The following CRPPA variants were observed in gnomAD, a reference collection of about 807,000 sequenced individuals.
CRPPA encodes the protein D-ribitol-5-phosphate cytidylyltransferase.
In CRPPA, 43 loss-of-function variants were observed where a neutral mutation model predicts 52.0. The observed-to-expected ratio is 0.83, with a 90% CI of 0.65 to 1.07. The LOEUF (loss-of-function observed/expected upper bound fraction) is 1.07, where lower values mean the gene tolerates loss of function less well. Ranked by LOEUF, CRPPA falls within the 50% of genes least tolerant of loss-of-function variation. The probability of loss-of-function intolerance (pLI) is 0.00; values close to 1 mark genes in which losing one functional copy is unlikely to be tolerated. For synonymous variants in CRPPA, 250 were observed against 203.5 expected, an observed-to-expected ratio of 1.23 and a Z score of -1.94; for missense variants, 629 against 551.7, an observed-to-expected ratio of 1.14 and a Z score of -1.40.
intron 9 of CRPPA, among the ~76,000 whole-genome samples, chr7:16,148,167 C>T (rs1376313412): frequency 1.3e-5 from 2 of 152,080 alleles, no homozygotes; most frequent in Non-Finnish European, 2.9e-5. Context: ...ACATACTATA[C>T]ATATTCATAA....
chr7:16,223,044 C>T lies in CRPPA; in HGVS notation c.1120-6847G>A, dbSNP rs143450414. Among the ~76,000 whole-genome samples, 270 of 152,032 alleles carry T rather than the reference C, an allele frequency of 1.8e-3. 2 individuals carry two copies. Among genetic ancestry groups the T allele is most frequent in the African/African-American group, 6.3e-3 (262 of 41,478 alleles). On this transcript the variant is annotated intron_variant, in intron 8 of 9. Coordinates refer to ENST00000407010, the MANE Select transcript of CRPPA (RefSeq NM_001101426.4). Reference sequence around the variant, plus strand: ...TGGTGGCTCATTCCTGTAATCCCAGCAGTTTGAGAGGCTGAGGCAGGCAGA... The same window carrying T: ...TGGTGGCTCATTCCTGTAATCCCAGTAGTTTGAGAGGCTGAGGCAGGCAGA...
chr7:16,095,111 T>C (rs1164222237), intron 9 of CRPPA, among the ~76,000 whole-genome samples: 1 of 152,218 alleles, frequency 6.6e-6, no homozygotes, highest in Non-Finnish European at 1.5e-5. Context: ...TTTGTCTGTA[T>C]ATCTATAAAC....
intron 3 of CRPPA, among the ~76,000 whole-genome samples, chr7:16,309,589 C>T (rs957184390): frequency 6.6e-6 from 1 of 152,072 alleles, no homozygotes; most frequent in Admixed American, 6.6e-5. Flanking sequence ...AGGTTTGAGA[C>T]ATTTGGTAGA....
chr7:16,338,267 C>T (rs1485991974), intron 3 of CRPPA, among the ~76,000 whole-genome samples: 2 of 152,082 alleles, frequency 1.3e-5, no homozygotes, highest in African/African-American at 2.4e-5. Flanking sequence ...TAATATACTA[C>T]ATTAACAAAA....
chr7:16,376,262 G>C (rs981746245), intron 2 of CRPPA, 21 bp from the exon 3 acceptor site: 1 of 1,577,836 alleles, frequency 6.3e-7, no homozygotes, highest in Non-Finnish European at 8.6e-7. Flanking sequence ...AAGAGGCAAA[G>C]AATATATTTC....
chr7:16,203,852 C>T (rs1391079706), intron 9 of CRPPA, among the ~76,000 whole-genome samples: 1 of 152,168 alleles, frequency 6.6e-6, no homozygotes, highest in Non-Finnish European at 1.5e-5. Flanking sequence ...CTGAAACTGA[C>T]ATGCATGGCT....
chr7:16,251,987 C>G (rs769163438), intron 8 of CRPPA, among the ~76,000 whole-genome samples: 1 of 151,802 alleles, frequency 6.6e-6, no homozygotes, highest in African/African-American at 2.4e-5. Context: ...GCTAGCCAGA[C>G]TAATAAAAAA....
At chr7:16,379,297 T>C (rs541783052) in intron 2 of CRPPA, among the ~76,000 whole-genome samples, 76 of 152,336 alleles carry the variant, frequency 5.0e-4, no homozygotes, top group African/African-American at 1.6e-3. Flanking sequence ...ATCAGATAGT[T>C]GTAGATATGT....
chr7:16,410,977 A>G (rs1221811228), intron 1 of CRPPA, among the ~76,000 whole-genome samples: 1 of 152,170 alleles, frequency 6.6e-6, no homozygotes, highest in African/African-American at 2.4e-5. Context: ...AGTCCTAAGG[A>G]CTATACTGCA....
intron 3 of CRPPA, among the ~76,000 whole-genome samples, chr7:16,371,411 G>C (rs926433460): frequency 2.0e-5 from 3 of 151,980 alleles, no homozygotes; most frequent in African/African-American, 4.8e-5. Context: ...ATCTGGGAAA[G>C]CCAGTGCACA....
At chr7:16,374,681 A>C (rs1263956810) in intron 3 of CRPPA, among the ~76,000 whole-genome samples, 6 of 152,070 alleles carry the variant, frequency 3.9e-5, no homozygotes, top group Admixed American at 3.9e-4. Flanking sequence ...CCCATGGATG[A>C]ACTATCCATA....
intron 1 of CRPPA, among the ~76,000 whole-genome samples, chr7:16,414,723 C>A (rs535501122): frequency 6.6e-6 from 1 of 152,228 alleles, no homozygotes; most frequent in South Asian, 2.1e-4. Context: ...TAGTTTATAA[C>A]CTGGGGTTCA....
intron 3 of CRPPA, among the ~76,000 whole-genome samples, chr7:16,366,308 A>T (rs2128310297): frequency 6.6e-6 from 1 of 152,338 alleles, no homozygotes; most frequent in Non-Finnish European, 1.5e-5. Flanking sequence ...CGTTCAGACC[A>T]TAGCAATAAG....
chr7:16,144,196 C>T (rs1782927125), intron 9 of CRPPA, among the ~76,000 whole-genome samples: 1 of 152,194 alleles, frequency 6.6e-6, no homozygotes, highest in Non-Finnish European at 1.5e-5. Flanking sequence ...TCCAGCCCCA[C>T]TCCTCCCCAG....
chr7:16,159,439 C>T (rs6948882), intron 9 of CRPPA, among the ~76,000 whole-genome samples: 3,380 of 152,196 alleles, frequency 0.022, 127 homozygotes, highest in African/African-American at 0.077. Flanking sequence ...TGAGGACAGG[C>T]GGTGTTTGGT....
intron 1 of CRPPA, among the ~76,000 whole-genome samples, chr7:16,414,172 A>G (rs1166700401): frequency 1.3e-5 from 2 of 152,160 alleles, no homozygotes; most frequent in Admixed American, 6.5e-5. Context: ...CTCATGAACT[A>G]TGAGGAAAGC....
chr7:16,378,177 G>A (rs1786953335), intron 2 of CRPPA, among the ~76,000 whole-genome samples: 1 of 151,348 alleles, frequency 6.6e-6, no homozygotes, highest in South Asian at 2.1e-4. Context: ...AGTTACATAC[G>A]TATACATGTG....
chr7:16,120,338 T>C (rs1782457192), intron 9 of CRPPA, among the ~76,000 whole-genome samples: 1 of 152,114 alleles, frequency 6.6e-6, no homozygotes, highest in African/African-American at 2.4e-5. Context: ...ATCTTCCAGG[T>C]GCTATCTCAT....
chr7:16,241,883 C>G (rs1783117956), intron 8 of CRPPA, among the ~76,000 whole-genome samples: 1 of 151,142 alleles, frequency 6.6e-6, no homozygotes. Flanking sequence ...AAGCAAGGAA[C>G]CCAGCCTACA....
Sources: allele counts gnomAD v4.1 joint callset (sites outside exome capture counted in the v4.1 genomes callset), GRCh38; gene constraint gnomAD v4.1.1; transcripts MANE v1.5; gene names NCBI Gene and HGNC (gene_info 2026-07-23, HGNC 2026-07-21).